SMARCAD1: variants seen among roughly 807,000 people sequenced by gnomAD.
The protein encoded by SMARCAD1 is SNF2 related chromatin remodeling ATPase with DExD box 1.
A neutral mutation model predicts 127.1 loss-of-function variants in SMARCAD1; 25 were observed. The observed-to-expected ratio is 0.20, with a 90% CI of 0.14 to 0.27. The LOEUF (loss-of-function observed/expected upper bound fraction) is 0.27, where lower values mean the gene tolerates loss of function less well. Ranked by LOEUF, SMARCAD1 falls within the 10% of genes least tolerant of loss-of-function variation. The probability of loss-of-function intolerance (pLI) is 1.00; values close to 1 mark genes in which losing one functional copy is unlikely to be tolerated. For synonymous variants in SMARCAD1, 400 were observed against 396.9 expected (o/e 1.01, Z -0.09); for missense variants, 807 against 1,206.0 (o/e 0.67, Z 4.90).
At chr4:94,272,675 T>A (rs1248349572) in intron 11 of SMARCAD1, among the ~76,000 whole-genome samples, 19 of 152,204 alleles carry the variant, frequency 1.2e-4, no homozygotes, top group Non-Finnish European at 2.9e-5. Flanking sequence ...ATCAGTAATT[T>A]TTTTGTTTCT....
intron 2 of SMARCAD1, among the ~76,000 whole-genome samples, chr4:94,210,192 A>G (rs145752187): frequency 8.5e-4 from 130 of 152,342 alleles, no homozygotes; most frequent in Non-Finnish European, 1.4e-3. Context: ...CCATACATAA[A>G]TTCTGCTTAA....
intron 5 of SMARCAD1, among the ~76,000 whole-genome samples, chr4:94,239,582 T>C (rs951548487): frequency 4.0e-5 from 6 of 151,630 alleles, no homozygotes; most frequent in African/African-American, 1.5e-4. Context: ...TTTTTTAATT[T>C]TTTATTTTGA....
chr4:94,260,029 CCTCT>C (rs1222190403), intron 9 of SMARCAD1, among the ~76,000 whole-genome samples: 3 of 151,446 alleles, frequency 2.0e-5, no homozygotes, highest in Non-Finnish European at 4.4e-5. Flanking sequence ...ATTCCTCATC[CCTCT>C]CTCTCTCCCC....
Position 94,240,425 on chromosome 4 carries a change from T to C in SMARCAD1, c.605-481T>C, listed in dbSNP as rs185686745. 3.3e-5 allele frequency among the ~76,000 whole-genome samples: 5 copies of C among 152,320 alleles called. No homozygotes were observed. In the East Asian group the frequency reaches 9.6e-4, roughly 29 times the overall value. On this transcript the variant is annotated intron_variant, in intron 5 of 23. Transcript: ENST00000354268. ...ATCCTCCTCATTTGTGAAATAAAAA[T>C]GTTACCTACTTTGTAGGTTTGTGTG...
chr4:94,283,251 C>T lies in SMARCAD1; in HGVS notation c.2857C>T (p.Pro953Ser). ...TATACTTCACGATATTGACTGTAAT[C>T]CTTATAATGACAAACAAGCAGAAGA... is the stretch of plus-strand genomic sequence containing the variant. ...VVILHDIDCN[P>S]YNDKQAEDRC... is the part of the protein sequence containing the mutation. The change falls in exon 22 of 24, where the codon CCT (proline) becomes TCT (serine). Residue 953 changes from proline (P) to serine (S), a missense_variant. By Grantham distance (74) the Pro-to-Ser change is moderately conservative. Transcript: ENST00000354268. 2 of 1,613,406 alleles carry T rather than the reference C, an allele frequency of 1.2e-6. No individual in the cohort carries two copies. Among genetic ancestry groups the T allele is most frequent in the Non-Finnish European group, 1.7e-6 (2 of 1,179,926 alleles).
intron 4 of SMARCAD1, 113 bp downstream of exon 4, chr4:94,234,235 T>C (rs1428511527): frequency 1.2e-5 from 12 of 975,982 alleles, no homozygotes; most frequent in African/African-American, 5.0e-5. Context: ...TTTGAAGATA[T>C]TAACTATTAA....
intron 14 of SMARCAD1, 107 bp downstream of exon 14, chr4:94,275,072 A>T: frequency 1.2e-6 from 1 of 826,290 alleles, no homozygotes; most frequent in Non-Finnish European, 2.1e-6. Context: ...TAACTGTGAT[A>T]CGAAAGTAAT....
At chr4:94,280,916 T>C in intron 20 of SMARCAD1, 136 bp downstream of exon 20, 1 of 840,328 alleles carries the variant, frequency 1.2e-6, no homozygotes. Context: ...TTTGAACATT[T>C]TCTTGACGTA....
rs1358805678 is a variant in SMARCAD1 at position 94,277,109 on chromosome 4, A to G, written c.2032A>G (p.Met678Val). 6.2e-7 allele frequency: 1 copy of G among 1,613,928 alleles called. No homozygotes were observed. Among genetic ancestry groups the G allele is most frequent in the Non-Finnish European group, 8.5e-7 (1 of 1,179,946 alleles). Residue 678 changes from methionine to valine, a missense_variant, in exon 16 of 24, where the codon ATG (methionine) becomes GTG (valine). Coordinates refer to ENST00000354268, the MANE Select transcript of SMARCAD1 (RefSeq NM_020159.5). The part of the protein sequence containing the change: ...MSLLNFVMPH[M>V]FSSSTSEIRR... ...GCTGTTGAATTTTGTTATGCCACAC[A>G]TGTTTAGTAGTAGCACCAGTGAAAT...
intron 23 of SMARCAD1, among the ~76,000 whole-genome samples, chr4:94,286,122 C>T (rs1224964115): frequency 6.6e-6 from 1 of 152,030 alleles, no homozygotes; most frequent in Non-Finnish European, 1.5e-5. Flanking sequence ...TAGTTCATTT[C>T]CTCAGAGGGA....
chr4:94,244,479 G>A (rs1263979914), intron 6 of SMARCAD1, among the ~76,000 whole-genome samples: 3 of 152,112 alleles, frequency 2.0e-5, no homozygotes, highest in Non-Finnish European at 4.4e-5. Flanking sequence ...CGCATGCCTC[G>A]AATAACCCAA....
chr4:94,261,454 A>G (rs1055986443), intron 9 of SMARCAD1, among the ~76,000 whole-genome samples: 6 of 152,236 alleles, frequency 3.9e-5, no homozygotes, highest in African/African-American at 1.4e-4. Context: ...TCTGGCACAT[A>G]TCTTCAAAGC....
rs969607185 is a variant in SMARCAD1, at chr4:94,234,016, A to G, written c.431A>G (p.Asp144Gly). ...CCTACCATGGCACGTAGAAATGATG[A>G]TATTTCAGAACTGGAAGACCTTTCG... ...GLPTMARRND[D>G]ISELEDLSEL... is the part of the protein sequence containing the mutation. The change falls in exon 4 of 24, where the codon GAT becomes GGT. Residue 144 changes from aspartate to glycine, a missense_variant. Coordinates refer to ENST00000354268, the MANE Select transcript of SMARCAD1 (RefSeq NM_020159.5). The G allele has an allele frequency of 3.7e-6, 6 of 1,613,728 alleles. No homozygotes were observed. Among genetic ancestry groups the G allele is most frequent in the Non-Finnish European group, 5.1e-6 (6 of 1,179,830 alleles).
intron 8 of SMARCAD1, among the ~76,000 whole-genome samples, chr4:94,251,544 A>G (rs1292504309): frequency 6.6e-6 from 1 of 152,218 alleles, no homozygotes; most frequent in Non-Finnish European, 1.5e-5. Flanking sequence ...TATGAGTTTG[A>G]AAAATGAGTC....
intron 3 of SMARCAD1, among the ~76,000 whole-genome samples, chr4:94,230,370 A>G (rs1183473698): frequency 6.6e-6 from 1 of 151,966 alleles, no homozygotes; most frequent in Non-Finnish European, 1.5e-5. Flanking sequence ...ATATATGTAT[A>G]TATCTCCTGG....
At chr4:94,250,958 G>T in intron 8 of SMARCAD1, 125 bp downstream of exon 8, 1 of 679,488 alleles carries the variant, frequency 1.5e-6, no homozygotes. Context: ...AAAAGATGTT[G>T]AAAGTAATGA....
At chr4:94,270,163 CAAAT>C (rs964959953) in intron 10 of SMARCAD1, among the ~76,000 whole-genome samples, 2 of 151,560 alleles carry the variant, frequency 1.3e-5, no homozygotes, top group Middle Eastern at 3.4e-3. Context: ...AGTGTCAAAA[CAAAT>C]AATTTTGCTA....
intron 8 of SMARCAD1, among the ~76,000 whole-genome samples, chr4:94,251,428 GTTTT>G (rs1284442255): frequency 2.0e-5 from 3 of 151,938 alleles, no homozygotes; most frequent in Admixed American, 6.6e-5. Flanking sequence ...TTTGGTTTGG[GTTTT>G]TTTGTTTGTT....
At chr4:94,214,334 C>T (rs1405326454) in intron 2 of SMARCAD1, among the ~76,000 whole-genome samples, 2 of 149,022 alleles carry the variant, frequency 1.3e-5, no homozygotes, top group Non-Finnish European at 3.0e-5. Flanking sequence ...GCAATCTCAA[C>T]TCACTGCAAT....
Sources: gnomAD v4.1 joint callset for allele counts (sites outside exome capture counted in the v4.1 genomes callset) on GRCh38, gnomAD v4.1.1 for gene constraint, MANE v1.5 for transcripts, NCBI Gene and HGNC (gene_info 2026-07-23, HGNC 2026-07-21) for gene names.